Variants in RAB28 observed in about 807,000 individuals in gnomAD.
RAB28 encodes the protein RAB28, member RAS oncogene family, also known as ras-related protein Rab-28.
In RAB28, 24 loss-of-function variants were observed where a neutral mutation model predicts 31.7. The ratio of observed to expected loss-of-function variants is 0.76; its 90% CI spans 0.55 to 1.06. RAB28 has a LOEUF of 1.06. Among genes scored for constraint, RAB28 ranks in the 50% least tolerant of loss-of-function variants. RAB28 has a pLI of 0.00. For synonymous variants in RAB28, 100 were observed against 90.4 expected (o/e 1.11, Z -0.60); for missense variants, 254 against 258.5 (o/e 0.98, Z 0.12).
At chr4:13,380,152 G>A (rs2108881293) in intron 5 of RAB28, among the ~76,000 whole-genome samples, 1 of 152,250 alleles carries the variant, frequency 6.6e-6, no homozygotes, top group Admixed American at 6.5e-5. Context: ...GCATGGATGG[G>A]TGAGTATGTG....
At chr4:13,400,264 C>A (rs1711671284) in intron 4 of RAB28, among the ~76,000 whole-genome samples, 1 of 152,152 alleles carries the variant, frequency 6.6e-6, no homozygotes, top group Non-Finnish European at 1.5e-5. Context: ...GTCTTGATAA[C>A]TGGCATGGCA....
intron 4 of RAB28, among the ~76,000 whole-genome samples, chr4:13,432,286 T>G (rs959822721): frequency 4.0e-5 from 6 of 151,820 alleles, no homozygotes; most frequent in Non-Finnish European, 8.8e-5. Flanking sequence ...AAATATGGGA[T>G]TATATAAAGT....
intron 4 of RAB28, among the ~76,000 whole-genome samples, chr4:13,423,018 G>A (rs1713255566): frequency 6.6e-6 from 1 of 152,046 alleles, no homozygotes. Context: ...TACATTCGAG[G>A]AAGTATTTAA....
intron 4 of RAB28, among the ~76,000 whole-genome samples, chr4:13,389,842 TC>T (rs2108889486): frequency 6.6e-6 from 1 of 152,214 alleles, no homozygotes; most frequent in African/African-American, 2.4e-5. Context: ...GAAAAGGCCT[TC>T]AACAAAATTC....
At chr4:13,397,207 C>A (rs531339090) in intron 4 of RAB28, among the ~76,000 whole-genome samples, 2 of 152,046 alleles carry the variant, frequency 1.3e-5, no homozygotes, top group Non-Finnish European at 2.9e-5. Context: ...GTGGTGAGGG[C>A]AACATGCAAA....
intron 2 of RAB28, among the ~76,000 whole-genome samples, chr4:13,478,325 T>C (rs868123804): frequency 1.3e-5 from 2 of 151,578 alleles, no homozygotes; most frequent in African/African-American, 2.4e-5. Flanking sequence ...AATGGAAAAA[T>C]TGGAATTCTT....
intron 4 of RAB28, among the ~76,000 whole-genome samples, chr4:13,419,108 T>C (rs1712965269): frequency 6.6e-6 from 1 of 151,962 alleles, no homozygotes; most frequent in Non-Finnish European, 1.5e-5. Context: ...TCCTAGCCTT[T>C]GATAAAACAG....
At chr4:13,455,420 A>C (rs939095901) in intron 4 of RAB28, among the ~76,000 whole-genome samples, 3 of 152,206 alleles carry the variant, frequency 2.0e-5, no homozygotes, top group Non-Finnish European at 4.4e-5. Context: ...GTGCAGGACC[A>C]GAGTCACAGC....
chr4:13,368,340 T>C lies in RAB28; in HGVS notation c.*218A>G. On this transcript the variant is annotated 3_prime_UTR_variant, in exon 7 of 7. Coordinates refer to ENST00000330852, the MANE Select transcript of RAB28 (RefSeq NM_001017979.3). ...CAGTCTAATTCCAGGGAATGGGTTT[T>C]CCATTTTGAATTCAAAGTGTGTGGT... is the stretch of plus-strand genomic sequence containing the variant. The C allele has an allele frequency of 8.4e-7, 1 of 1,196,986 alleles. No individual in the cohort carries two copies. Among genetic ancestry groups the C allele is most frequent in the Non-Finnish European group, 1.0e-6 (1 of 965,416 alleles). The allele number at this position is 1,196,986 out of a possible 1,614,324, so 74.1% of individuals were successfully genotyped here. A position where few individuals can be genotyped will look rare whatever the true frequency, so the allele number is the denominator to read the frequency against.
chr4:13,392,723 G>T (rs144484775), intron 4 of RAB28, among the ~76,000 whole-genome samples: 2 of 152,108 alleles, frequency 1.3e-5, no homozygotes, highest in Admixed American at 1.3e-4. Context: ...TTTCTTGAAC[G>T]TTGCTAAGAG....
chr4:13,469,390 T>C (rs913516156), intron 3 of RAB28, among the ~76,000 whole-genome samples: 1 of 151,958 alleles, frequency 6.6e-6, no homozygotes, highest in African/African-American at 2.4e-5. Flanking sequence ...CTTCTCAATT[T>C]ACGTTCCAGC....
intron 4 of RAB28, among the ~76,000 whole-genome samples, chr4:13,417,827 C>G (rs1269072692): frequency 2.6e-5 from 4 of 152,136 alleles, no homozygotes; most frequent in African/African-American, 4.8e-5. Flanking sequence ...TTCTAAAGAC[C>G]AGAACACCTC....
At chr4:13,439,233 A>G (rs888619387) in intron 4 of RAB28, among the ~76,000 whole-genome samples, 1 of 152,176 alleles carries the variant, frequency 6.6e-6, no homozygotes, top group African/African-American at 2.4e-5. Context: ...TCTTCTTGCT[A>G]ATGTCCTTTG....
In RAB28 at chr4:13,431,475, G is replaced by T. The variant is rs144665928; in HGVS notation, c.391+29224C>A. On this transcript the variant is annotated intron_variant, in intron 4 of 6. Transcript: ENST00000330852. ...TACCTGCCAGCTCTTATTTTTAAGC[G>T]CCATCTACTGGATTATACCCAGAAC... Among the ~76,000 whole-genome samples the T allele has an allele frequency of 5.9e-4, 90 of 152,132 alleles. No homozygotes were observed. The East Asian group carries it at 0.017, about 28-fold the overall frequency.
At chr4:13,472,540 A>G (rs1716168516) in intron 3 of RAB28, among the ~76,000 whole-genome samples, 1 of 151,928 alleles carries the variant, frequency 6.6e-6, no homozygotes, top group Non-Finnish European at 1.5e-5. Context: ...TTACCCTGAA[A>G]TGCATAAAGT....
rs1415780404 is a variant in RAB28, at chr4:13,376,634, A to T, written c.496-12T>A. On this transcript the variant is annotated splice_polypyrimidine_tract_variant and intron_variant, in intron 5 of 6. Transcript: ENST00000330852. The stretch of plus-strand genomic sequence containing the variant: ...AAGCACAGGAAGACCTACATAACAA[A>T]AATGGGTTTAAATGATTTAAAAGAG... 4.5e-6 allele frequency: 7 copies of T among 1,551,942 alleles called. No individual in the cohort carries two copies. The highest frequency in any genetic ancestry group is 1.4e-5 in the African/African-American group (1 of 72,804).
At chr4:13,459,623 T>A (rs898147498) in intron 4 of RAB28, 1 of 413,170 alleles carries the variant, frequency 2.4e-6, no homozygotes, top group African/African-American at 2.2e-5. Context: ...GGTCTCAAAA[T>A]TACTAACAAA....
chr4:13,445,285 T>C (rs183592752), intron 4 of RAB28, among the ~76,000 whole-genome samples: 54 of 152,184 alleles, frequency 3.5e-4, no homozygotes, highest in African/African-American at 1.2e-3. Context: ...CTGTAACCTT[T>C]CATCAATGTT....
chr4:13,399,235 G>A (rs141405406), intron 4 of RAB28, among the ~76,000 whole-genome samples: 2 of 152,184 alleles, frequency 1.3e-5, no homozygotes, highest in Non-Finnish European at 2.9e-5. Context: ...GGCATTTTTC[G>A]TGCGTATTGT....
Sources: allele counts gnomAD v4.1 joint callset (sites outside exome capture counted in the v4.1 genomes callset), GRCh38; gene constraint gnomAD v4.1.1; transcripts MANE v1.5; gene names NCBI Gene and HGNC (gene_info 2026-07-23, HGNC 2026-07-21).